The following FBXW4 variants were observed in gnomAD, a reference collection of about 807,000 sequenced individuals.
FBXW4 encodes F-box and WD repeat domain containing 4, also known as F-box/WD repeat-containing protein 4.
In FBXW4, 40 loss-of-function variants were observed where a neutral mutation model predicts 61.8. That is an observed-to-expected ratio of 0.65 (90% CI 0.50 to 0.84). FBXW4 has a LOEUF of 0.84. FBXW4 is among the 40% of genes least tolerant of loss of function. FBXW4 has a pLI of 0.00. For synonymous variants in FBXW4, 311 were observed against 313.8 expected (o/e 0.99, Z 0.10); for missense variants, 672 against 753.8 (o/e 0.89, Z 1.27).
intron 5 of FBXW4, among the ~76,000 whole-genome samples, chr10:101,630,950 A>G (rs1264447654): frequency 6.6e-6 from 1 of 152,210 alleles, no homozygotes; most frequent in African/African-American, 2.4e-5. Context: ...ATGAGTGGAC[A>G]GGGCCATGCT....
intron 6 of FBXW4, among the ~76,000 whole-genome samples, 156 bp downstream of exon 6, chr10:101,624,589 T>C (rs1327895854): frequency 1.3e-5 from 2 of 152,232 alleles, no homozygotes; most frequent in Non-Finnish European, 2.9e-5. Flanking sequence ...TAACCCTGAA[T>C]GATTCCATGT....
chr10:101,611,347 G>A lies in FBXW4; in HGVS notation c.1648C>T (p.His550Tyr), dbSNP rs1315859429. The A allele has an allele frequency of 6.2e-7, 1 of 1,614,084 alleles. No individual in the cohort carries two copies. The highest frequency in any genetic ancestry group is 8.5e-7 in the Non-Finnish European group (1 of 1,180,044). ...PVYCLRLTTK[H>Y]LYAALSYNLH... ...TTGTAAGACAGGGCAGCATAGAGAT[G>A]CTTGGTGGTGAGACGCAGGCAGTAC... The change falls in exon 9 of 9, where the codon CAT becomes TAT. Residue 550 changes from histidine to tyrosine, a missense_variant. His to Tyr is a moderately conservative substitution (Grantham distance 83, BLOSUM62 2). Coordinates refer to ENST00000331272, the MANE Select transcript of FBXW4 (RefSeq NM_022039.4). The surrounding 1 kb of genome is among the most constrained non-coding windows in gnomAD (Gnocchi z 4.9).
At chr10:101,674,652 T>C (rs2064390763) in intron 2 of FBXW4, among the ~76,000 whole-genome samples, 1 of 152,218 alleles carries the variant, frequency 6.6e-6, no homozygotes, top group African/African-American at 2.4e-5. Flanking sequence ...AGAGTAAGTG[T>C]GGCAATGGAA....
intron 5 of FBXW4, among the ~76,000 whole-genome samples, chr10:101,636,125 G>A (rs191052288): frequency 1.8e-4 from 28 of 152,150 alleles, no homozygotes; most frequent in African/African-American, 4.8e-4. Context: ...TGAGGTGGGC[G>A]GATCAGTTGA....
chr10:101,654,176 A>G (rs1480298241), intron 5 of FBXW4, among the ~76,000 whole-genome samples: 4 of 151,210 alleles, frequency 2.6e-5, no homozygotes, highest in Non-Finnish European at 4.4e-5. Flanking sequence ...AAATTCTAGT[A>G]TGTTTACTTA....
chr10:101,684,421 T>C (rs11191090), intron 1 of FBXW4, among the ~76,000 whole-genome samples: 25,067 of 152,154 alleles, frequency 0.16, 2,629 homozygotes, highest in East Asian at 0.45. Context: ...CCACTGCGCC[T>C]GGCCTACCCA....
chr10:101,689,555 C>T (rs941672737), intron 1 of FBXW4, among the ~76,000 whole-genome samples: 4 of 152,126 alleles, frequency 2.6e-5, no homozygotes, highest in African/African-American at 9.7e-5. Flanking sequence ...AATTACAGAA[C>T]AAATAAGTGA....
intron 6 of FBXW4, among the ~76,000 whole-genome samples, chr10:101,619,557 G>T (rs2063851679): frequency 6.6e-6 from 1 of 152,088 alleles, no homozygotes; most frequent in African/African-American, 2.4e-5. Context: ...TACTCGGGAG[G>T]CTGAGGCAGG....
At chr10:101,681,871 A>G (rs953627104) in intron 1 of FBXW4, among the ~76,000 whole-genome samples, 42 of 152,058 alleles carry the variant, frequency 2.8e-4, no homozygotes, top group Non-Finnish European at 6.0e-4. Flanking sequence ...TAAAGAGCAG[A>G]TTAAATAAAA....
At chr10:101,633,293 C>T (rs12243184) in intron 5 of FBXW4, among the ~76,000 whole-genome samples, 3,881 of 152,234 alleles carry the variant, frequency 0.025, 168 homozygotes, top group African/African-American at 0.085. Flanking sequence ...AATCATTCTA[C>T]TATAAAGGGG....
rs146885567 is a variant in FBXW4, at chr10:101,672,987, A to T, written c.1068T>A (p.His356Gln). The change falls in exon 4 of 9, where the codon CAT becomes CAA. Residue 356 changes from histidine (H) to glutamine (Q), a missense_variant. Physicochemically the swap from His to Gln is conservative, Grantham distance 24. This residue lies in a region of FBXW4 where 312 missense variants were observed against 370.1 expected (regional missense o/e 0.84). Coordinates refer to ENST00000331272, the MANE Select transcript of FBXW4 (RefSeq NM_022039.4). ...HSTFTVKYSA[H>Q]EQEVNCVDCK... is the part of the protein sequence containing the mutation. ...AATCCACACAGTTCACCTCCTGTTC[A>T]TGAGCCGAGTACTTGACAGTGAAGG... is the stretch of plus-strand genomic sequence containing the variant. 145 of 1,614,096 alleles carry T rather than the reference A, an allele frequency of 9.0e-5. No individual in the cohort carries two copies. The African/African-American group carries it at 1.8e-3, about 20-fold the overall frequency.
At chr10:101,660,981 CAGAG>C (rs1416495333) in intron 5 of FBXW4, among the ~76,000 whole-genome samples, 1 of 151,952 alleles carries the variant, frequency 6.6e-6, no homozygotes, top group Non-Finnish European at 1.5e-5. Flanking sequence ...GAGAGAAAGA[CAGAG>C]AGTGGAAGGT....
rs557265260 is a variant in FBXW4, at chr10:101,631,772, C to T, written c.1236-6962G>A. 6.6e-5 allele frequency among the ~76,000 whole-genome samples: 10 copies of T among 152,044 alleles called. No homozygotes were observed. The East Asian group carries it at 9.7e-4, about 15-fold the overall frequency. On this transcript the variant is annotated intron_variant, in intron 5 of 8. Transcript: ENST00000331272. ...CCTCCCAAGTAGCTGGGAATATAGG[C>T]GCATGCCACCACGCCTGGCTAATTT...
chr10:101,669,096 AG>A (rs1220096934), intron 4 of FBXW4, among the ~76,000 whole-genome samples: 1 of 152,070 alleles, frequency 6.6e-6, no homozygotes, highest in Non-Finnish European at 1.5e-5. Flanking sequence ...AAAAGGAGAA[AG>A]TGTTTTTTAG....
chr10:101,673,785 G>T, intron 2 of FBXW4, 112 bp from the exon 3 acceptor site: 1 of 985,520 alleles, frequency 1.0e-6, no homozygotes, highest in African/African-American at 1.6e-5. Flanking sequence ...AACCAACAAG[G>T]CTTATTATCT....
chr10:101,621,787 T>C (rs1336725788), intron 6 of FBXW4, among the ~76,000 whole-genome samples: 1 of 152,208 alleles, frequency 6.6e-6, no homozygotes, highest in Non-Finnish European at 1.5e-5. Context: ...ACTTATCTAC[T>C]ATGTTAATGA....
At chr10:101,667,493 CAT>C (rs993813929) in intron 5 of FBXW4, among the ~76,000 whole-genome samples, 17 of 152,080 alleles carry the variant, frequency 1.1e-4, no homozygotes, top group Non-Finnish European at 2.5e-4. Flanking sequence ...ACAAAGCAGA[CAT>C]GTGAGTTGTA....
Position 101,690,374 on chromosome 10 carries a change from G to A in FBXW4, c.725+4007C>T, listed in dbSNP as rs1401594186. On this transcript the variant is annotated intron_variant, in intron 1 of 8. Transcript: ENST00000331272. ...TCTTTGATTTTTATTGTTATATTCA[G>A]GATATTTCTATTCCAACAGGCTTCA... Among the ~76,000 whole-genome samples the A allele has an allele frequency of 2.0e-5, 3 of 152,048 alleles. No homozygotes were observed. The East Asian group carries it at 5.8e-4, about 29-fold the overall frequency.
At position 101,694,423 on chromosome 10, in the gene FBXW4, C is replaced by A. The variant is rs1486010946; in HGVS notation, c.683G>T (p.Arg228Leu). The A allele has an allele frequency of 1.3e-6, 2 of 1,522,876 alleles. No homozygotes were observed. The highest frequency in any genetic ancestry group is 8.7e-7 in the Non-Finnish European group (1 of 1,148,072). The allele number at this position is 1,522,876 out of a possible 1,614,324, so 94.3% of individuals were successfully genotyped here. A position where few individuals can be genotyped will look rare whatever the true frequency, so the allele number is the denominator to read the frequency against. The change falls in exon 1 of 9, where the codon CGG (arginine) becomes CTG (leucine). Residue 228 changes from arginine (R) to leucine (L), a missense_variant. This residue lies in a region of FBXW4 where 311 missense variants were observed against 301.1 expected (regional missense o/e 1.03). Coordinates refer to ENST00000331272, the MANE Select transcript of FBXW4 (RefSeq NM_022039.4). This position sits in a 1 kb window ranked among gnomAD's most constrained non-coding sequence, Gnocchi z 6.0. ...CGTGAAGCCGGAGTTGAGCGAGGCC[C>A]GGGCTATCCGGCGCCAGAGCAGATC... is the stretch of plus-strand genomic sequence containing the variant. ...SCDLLWRRIA[R>L]ASLNSGFTRL...
Sources: gnomAD v4.1 joint callset for allele counts (sites outside exome capture counted in the v4.1 genomes callset) on GRCh38, gnomAD v4.1.1 for gene constraint, gnomAD v4.1.1 regional missense constraint, Gnocchi (gnomAD v3.1) non-coding constraint, MANE v1.5 for transcripts, NCBI Gene and HGNC (gene_info 2026-07-23, HGNC 2026-07-21) for gene names.